Variants in FUT8 observed in about 807,000 individuals in gnomAD.
The protein encoded by FUT8 is alpha-(1,6)-fucosyltransferase.
FUT8 carries 29 observed loss-of-function variants against 71.3 expected under a neutral mutation model. That is an observed-to-expected ratio of 0.41 (90% CI 0.30 to 0.55). FUT8 has a LOEUF of 0.55. Among genes scored for constraint, FUT8 ranks in the 20% least tolerant of loss-of-function variants. FUT8 has a pLI of 0.34. For missense variants in FUT8, 544 were observed against 702.1 expected (o/e 0.77, Z 2.55); for synonymous variants, 254 against 239.3 (o/e 1.06, Z -0.57).
chr14:65,536,544 T>C (rs1176869176), intron 2 of FUT8, among the ~76,000 whole-genome samples: 2 of 152,204 alleles, frequency 1.3e-5, no homozygotes, highest in Non-Finnish European at 2.9e-5. Flanking sequence ...AGTTCTTGGT[T>C]GGAATATCAT....
chr14:65,737,781 C>T (rs1188300736), intron 10 of FUT8, among the ~76,000 whole-genome samples: 3 of 151,790 alleles, frequency 2.0e-5, no homozygotes, highest in African/African-American at 4.8e-5. Flanking sequence ...CTTTTTTTCC[C>T]CCTATGACAC....
intron 6 of FUT8, among the ~76,000 whole-genome samples, chr14:65,654,675 A>G (rs567697600): frequency 2.6e-5 from 4 of 152,322 alleles, no homozygotes; most frequent in African/African-American, 9.6e-5. Context: ...TAGTTCCTTA[A>G]AACACTATAG....
At position 65,626,222 on chromosome 14, in the gene FUT8, TAA is replaced by T. The variant is rs200882855; in HGVS notation, c.483-3259_483-3258del. 3.5e-3 allele frequency among the ~76,000 whole-genome samples: 515 copies of T among 146,812 alleles called. 1 individual carries two copies. The highest frequency in any genetic ancestry group is 6.1e-3 in the Non-Finnish European group (401 of 66,138). ...ACAACTCTCTGAGGACCTCTAGCAT[TAA>T]AAAAAAAAAATAGCGGCTACCACAT... On this transcript the variant is annotated intron_variant, in intron 5 of 10. Transcript: ENST00000673929.
At chr14:65,372,659 C>T in the FUT8 span, among the ~76,000 whole-genome samples, 2 of 152,128 alleles carry the variant, frequency 1.3e-5, no homozygotes, top group African/African-American at 2.4e-5. Flanking sequence ...TGGGGCAATC[C>T]GCCCACCTCG....
intron 7 of FUT8, among the ~76,000 whole-genome samples, chr14:65,673,079 G>A (rs749484432): frequency 4.6e-5 from 7 of 152,144 alleles, no homozygotes; most frequent in Non-Finnish European, 7.4e-5. Flanking sequence ...ATTTGTAAAT[G>A]AAAATAATGA....
At chr14:65,555,405 A>T (rs892976850) in intron 2 of FUT8, among the ~76,000 whole-genome samples, 3 of 152,110 alleles carry the variant, frequency 2.0e-5, no homozygotes, top group African/African-American at 7.2e-5. Flanking sequence ...TCTATTTCTG[A>T]TAATTGTCCT....
chr14:65,394,834 C>T, the FUT8 span, among the ~76,000 whole-genome samples: 1 of 150,942 alleles, frequency 6.6e-6, no homozygotes, highest in Non-Finnish European at 1.5e-5. Flanking sequence ...CAACCTCTGC[C>T]TCCCAGGTTC....
intron 3 of FUT8, among the ~76,000 whole-genome samples, chr14:65,601,944 T>A (rs1888309322): frequency 6.6e-6 from 1 of 151,886 alleles, no homozygotes; most frequent in Non-Finnish European, 1.5e-5. Flanking sequence ...AGATGTAACC[T>A]TTTTTTTATC....
chr14:65,489,663 G>A lies in FUT8; in HGVS notation c.-228+33945G>A, dbSNP rs2066456218. Among the ~76,000 whole-genome samples, 1 of 152,040 alleles carries A rather than the reference G, an allele frequency of 6.6e-6. No homozygotes were observed. Among genetic ancestry groups the A allele is most frequent in the Non-Finnish European group, 1.5e-5 (1 of 67,968 alleles). On this transcript the variant is annotated intron_variant, in intron 2 of 10. Coordinates refer to ENST00000673929, the MANE Select transcript of FUT8 (RefSeq NM_001371533.1). The surrounding 1 kb of genome is among the most constrained non-coding windows in gnomAD (Gnocchi z 4.0). ...TCTTAAAATATGTATAGCTTCATTT[G>A]TGTTGATTGATGTTGTAACTTTTTT...
chr14:65,641,479 A>G (rs1334006848), intron 6 of FUT8, among the ~76,000 whole-genome samples: 1 of 152,190 alleles, frequency 6.6e-6, no homozygotes, highest in Non-Finnish European at 1.5e-5. Context: ...ATATTTATGT[A>G]CAAGCCTTTC....
rs117497103 is a variant in FUT8 at position 65,499,775 on chromosome 14, A to G, written c.-228+44057A>G. Among the ~76,000 whole-genome samples, 209 of 150,876 alleles carry G rather than the reference A, an allele frequency of 1.4e-3. 4 individuals carry two copies. In the East Asian group the frequency reaches 0.035, roughly 25 times the overall value. On this transcript the variant is annotated intron_variant, in intron 2 of 10. Coordinates refer to ENST00000673929, the MANE Select transcript of FUT8 (RefSeq NM_001371533.1). ...CCAGGCTGCAGTGATCTGTGATTGTACCATTGCACTCCAGCCTGAGCAACA... is the reference window on the plus strand; with the variant it reads ...CCAGGCTGCAGTGATCTGTGATTGTGCCATTGCACTCCAGCCTGAGCAACA...
At chr14:65,577,880 A>AAT (rs1886877548) in intron 3 of FUT8, among the ~76,000 whole-genome samples, 1 of 152,132 alleles carries the variant, frequency 6.6e-6, no homozygotes. Context: ...ATAACTGGAC[A>AAT]ATATGATTTT....
At chr14:65,500,514 C>G (rs1419646083) in intron 2 of FUT8, among the ~76,000 whole-genome samples, 1 of 152,290 alleles carries the variant, frequency 6.6e-6, no homozygotes, top group Non-Finnish European at 1.5e-5. Context: ...CCATTTTAAG[C>G]TCATTTCCTC....
intron 3 of FUT8, among the ~76,000 whole-genome samples, chr14:65,595,702 G>A (rs1356556881): frequency 7.2e-6 from 1 of 139,518 alleles, no homozygotes; most frequent in South Asian, 2.4e-4. Context: ...TCCGCCTCCC[G>A]GGTTCATGCT....
At chr14:65,378,308 G>A in the FUT8 span, among the ~76,000 whole-genome samples, 1 of 152,158 alleles carries the variant, frequency 6.6e-6, no homozygotes. Context: ...TCTTTAACCC[G>A]AGGCACCAGG....
intron 7 of FUT8, among the ~76,000 whole-genome samples, chr14:65,677,151 T>TGTGCGCGC: frequency 1.2e-3 from 128 of 110,734 alleles, no homozygotes; most frequent in Middle Eastern, 5.0e-3. Context: ...TGTGTGTGTG[T>TGTGCGCGC]GCGCGCGCGC....
intron 2 of FUT8, among the ~76,000 whole-genome samples, chr14:65,547,012 C>T (rs552042055): frequency 4.0e-5 from 6 of 151,636 alleles, no homozygotes; most frequent in African/African-American, 1.2e-4. Context: ...ATTTATTGAC[C>T]GAAAATTATT....
intron 6 of FUT8, among the ~76,000 whole-genome samples, chr14:65,651,490 C>G (rs1014863180): frequency 3.3e-5 from 5 of 152,166 alleles, no homozygotes; most frequent in Admixed American, 2.6e-4. Flanking sequence ...AACAGAGTCT[C>G]CTAACATAAT....
intron 2 of FUT8, among the ~76,000 whole-genome samples, chr14:65,493,334 G>T (rs2066510877): frequency 6.6e-6 from 1 of 152,062 alleles, no homozygotes; most frequent in Non-Finnish European, 1.5e-5. Context: ...AGTATTTGGA[G>T]TTCTTAGTCC....
Sources: gnomAD v4.1 joint callset for allele counts (sites outside exome capture counted in the v4.1 genomes callset) on GRCh38, gnomAD v4.1.1 for gene constraint, Gnocchi (gnomAD v3.1) non-coding constraint, MANE v1.5 for transcripts, NCBI Gene and HGNC (gene_info 2026-07-23, HGNC 2026-07-21) for gene names.